Variants in IPO9 observed in about 807,000 individuals in gnomAD.
IPO9 encodes the protein importin-9.
Under a neutral mutation model 128.6 loss-of-function variants are expected in IPO9, and 28 were observed. The ratio of observed to expected loss-of-function variants is 0.22; its 90% CI spans 0.16 to 0.30. The LOEUF is 0.30. IPO9 is among the 10% of genes least tolerant of loss of function. IPO9 has a pLI of 1.00. For synonymous variants in IPO9, 455 were observed against 475.8 expected (o/e 0.96, Z 0.57); for missense variants, 935 against 1,293.9 (o/e 0.72, Z 4.26).
rs1680643850 is a variant in IPO9 at position 201,871,146 on chromosome 1, C to T, written c.2410-15C>T. 1 of 1,609,356 alleles carries T rather than the reference C, an allele frequency of 6.2e-7. No homozygotes were observed. Among genetic ancestry groups the T allele is most frequent in the Admixed American group, 1.7e-5 (1 of 59,298 alleles). On this transcript the variant is annotated splice_polypyrimidine_tract_variant and intron_variant, in intron 18 of 23. Coordinates refer to ENST00000361565, the MANE Select transcript of IPO9 (RefSeq NM_018085.5). The stretch of plus-strand genomic sequence containing the variant: ...AATTGATTTCCCTGAAGCAAATGTC[C>T]TTATTTTCTCCTAGTCCCTGATCAT...
At chr1:201,849,907 C>T (rs1375890366) in intron 4 of IPO9, among the ~76,000 whole-genome samples, 3 of 152,162 alleles carry the variant, frequency 2.0e-5, no homozygotes, top group Admixed American at 2.0e-4. Flanking sequence ...ATTTCACACA[C>T]CCCTCTGCAT....
intron 1 of IPO9, 76 bp downstream of exon 1, chr1:201,829,448 C>T: frequency 7.2e-7 from 1 of 1,385,682 alleles, no homozygotes; most frequent in South Asian, 1.6e-5. Flanking sequence ...CGGCTGGGGA[C>T]ATGGGGAGCC....
chr1:201,835,403 A>C (rs1227947498), intron 1 of IPO9, among the ~76,000 whole-genome samples: 2 of 152,234 alleles, frequency 1.3e-5, no homozygotes, highest in Non-Finnish European at 2.9e-5. Flanking sequence ...AGGGAAGCAA[A>C]AGACTAAAAG....
intron 1 of IPO9, among the ~76,000 whole-genome samples, chr1:201,839,438 G>A (rs1005913423): frequency 2.6e-5 from 4 of 151,620 alleles, no homozygotes; most frequent in Non-Finnish European, 4.4e-5. Flanking sequence ...GCTGGTGCCT[G>A]TAGTCCCAAC....
At chr1:201,872,509 T>G (rs1680671958) in intron 19 of IPO9, among the ~76,000 whole-genome samples, 1 of 151,562 alleles carries the variant, frequency 6.6e-6, no homozygotes, top group African/African-American at 2.4e-5. Context: ...GAGGCTGAGG[T>G]GGGAGGATCA....
At chr1:201,856,963 A>G (rs1324905735) in intron 10 of IPO9, 133 bp from the exon 11 acceptor site, 4 of 679,282 alleles carry the variant, frequency 5.9e-6, no homozygotes, top group African/African-American at 5.4e-5. Flanking sequence ...TCAGGATTAC[A>G]GTTGTGAGCC....
chr1:201,872,614 A>G (rs1680675687), intron 19 of IPO9, among the ~76,000 whole-genome samples: 1 of 150,032 alleles, frequency 6.7e-6, no homozygotes, highest in Non-Finnish European at 1.5e-5. Context: ...AAAAACAACA[A>G]CAACAACAAC....
intron 1 of IPO9, among the ~76,000 whole-genome samples, chr1:201,841,728 G>A (rs1680039772): frequency 1.3e-5 from 2 of 152,122 alleles, no homozygotes; most frequent in African/African-American, 4.8e-5. Flanking sequence ...ATAAAGAATG[G>A]GGATGTATAG....
rs745357812 is a variant in IPO9, at chr1:201,874,291, C to T, written c.2752C>T (p.Leu918=). Residue 918 remains leucine, a synonymous_variant, in exon 21 of 24, where the codon CTA becomes TTA. Coordinates refer to ENST00000361565, the MANE Select transcript of IPO9 (RefSeq NM_018085.5). ...WTNIPLLVKI[L]KLIINELSNV... The stretch of plus-strand genomic sequence containing the variant: ...AAACATTCCTTTGCTGGTCAAGATC[C>T]TAAAGCTGATCATCAACGAGCTCTC... 3.7e-6 allele frequency: 6 copies of T among 1,613,792 alleles called. No homozygotes were observed. The highest frequency in any genetic ancestry group is 4.2e-6 in the Non-Finnish European group (5 of 1,179,870).
rs759628932 is a variant in IPO9 at position 201,869,732 on chromosome 1, G to T, written c.2133+14G>T. The T allele has an allele frequency of 6.2e-7, 1 of 1,613,854 alleles. No individual in the cohort carries two copies. On this transcript the variant is annotated intron_variant, in intron 17 of 23. Coordinates refer to ENST00000361565, the MANE Select transcript of IPO9 (RefSeq NM_018085.5). ...GCCACCATGCAGGTATCTGAGACATGGAGAGTAGAAGAGGGAAGATAGCTC... is the reference window on the plus strand; with the variant it reads ...GCCACCATGCAGGTATCTGAGACATTGAGAGTAGAAGAGGGAAGATAGCTC...
intron 13 of IPO9, among the ~76,000 whole-genome samples, chr1:201,860,314 CAAATT>C (rs1680420226): frequency 6.6e-6 from 1 of 152,208 alleles, no homozygotes; most frequent in Non-Finnish European, 1.5e-5. Flanking sequence ...CTCTGAATCA[CAAATT>C]AAAATGGTTG....
Position 201,857,076 on chromosome 1 carries a change from A to G in IPO9, c.1123-20A>G. ...GAATCAGATTGGCAGCATCACAAAGACATAACTTGATCTTTTCAGATTAAA... is the reference window on the plus strand; with the variant it reads ...GAATCAGATTGGCAGCATCACAAAGGCATAACTTGATCTTTTCAGATTAAA... On this transcript the variant is annotated intron_variant, in intron 10 of 23. Coordinates refer to ENST00000361565, the MANE Select transcript of IPO9 (RefSeq NM_018085.5). 7.0e-7 allele frequency: 1 copy of G among 1,425,262 alleles called. No individual in the cohort carries two copies. The highest frequency in any genetic ancestry group is 9.9e-7 in the Non-Finnish European group (1 of 1,007,752). The allele number at this position is 1,425,262 out of a possible 1,614,324, so 88.3% of individuals were successfully genotyped here.
chr1:201,851,962 G>T, intron 4 of IPO9, 142 bp from the exon 5 acceptor site: 1 of 476,406 alleles, frequency 2.1e-6, no homozygotes, highest in Non-Finnish European at 3.7e-6. Flanking sequence ...TGCTTTCACA[G>T]AATGAGACCA....
At chr1:201,868,894 T>G in intron 16 of IPO9, 98 bp downstream of exon 16, 1 of 1,395,124 alleles carries the variant, frequency 7.2e-7, no homozygotes, top group South Asian at 1.7e-5. Flanking sequence ...GCGTTAGAGA[T>G]TCATGGGGTG....
At position 201,855,167 on chromosome 1, in the gene IPO9, C is replaced by T. The variant is rs1680307017; in HGVS notation, c.955C>T (p.Pro319Ser). 1 of 1,594,266 alleles carries T rather than the reference C, an allele frequency of 6.3e-7. No homozygotes were observed. Among genetic ancestry groups the T allele is most frequent in the African/African-American group, 1.3e-5 (1 of 74,484 alleles). Residue 319 changes from proline to serine, a missense_variant, in exon 9 of 24, where the codon CCT becomes TCT. This residue lies in a region of IPO9 where 741 missense variants were observed against 1,019.1 expected (regional missense o/e 0.73). Transcript: ENST00000361565. ...AAATTACACAGAAGAAGTAGAAGAT[C>T]CTGTGGATTCTGATGGTATGTAGTT... The part of the protein sequence containing the change: ...EVNYTEEVED[P>S]VDSDGEVLGF...
intron 1 of IPO9, among the ~76,000 whole-genome samples, chr1:201,840,909 G>A (rs1002646371): frequency 1.3e-5 from 2 of 152,198 alleles, no homozygotes; most frequent in African/African-American, 4.8e-5. Context: ...CTGCCTGCAT[G>A]TAGTGGGTGG....
intron 10 of IPO9, 33 bp downstream of exon 10, chr1:201,855,967 G>C (rs760383411): frequency 1.3e-6 from 2 of 1,529,850 alleles, no homozygotes; most frequent in Admixed American, 4.6e-5. Flanking sequence ...TTACCATCTT[G>C]TATTTGGAAA....
intron 12 of IPO9, 105 bp from the exon 13 acceptor site, chr1:201,858,750 G>T (rs1680380241): frequency 8.3e-6 from 10 of 1,207,094 alleles, no homozygotes; most frequent in Non-Finnish European, 1.2e-6. Flanking sequence ...TGACTCTTTT[G>T]GAAGAGATTG....
intron 4 of IPO9, among the ~76,000 whole-genome samples, 170 bp downstream of exon 4, chr1:201,848,764 A>G (rs1425322591): frequency 2.6e-5 from 4 of 152,066 alleles, no homozygotes; most frequent in Non-Finnish European, 5.9e-5. Context: ...GTTTTTTTCT[A>G]GGGAATTAAG....
Sources: allele counts gnomAD v4.1 joint callset (sites outside exome capture counted in the v4.1 genomes callset), GRCh38; gene constraint gnomAD v4.1.1; regional missense constraint gnomAD v4.1.1; transcripts MANE v1.5; gene names NCBI Gene and HGNC (gene_info 2026-07-23, HGNC 2026-07-21).